EEIG2: variants seen among roughly 807,000 people sequenced by gnomAD.
EEIG2 encodes the protein EEIG family member 2.
chr1:108,632,418 G>T, the EEIG2 span, among the ~76,000 whole-genome samples: 1 of 152,120 alleles, frequency 6.6e-6, no homozygotes, highest in East Asian at 1.9e-4. Context: ...GGGAGCCATT[G>T]GCCATCTTTG....
At chr1:108,607,483 C>A in the EEIG2 span, among the ~76,000 whole-genome samples, 3 of 152,132 alleles carry the variant, frequency 2.0e-5, no homozygotes, top group Admixed American at 2.0e-4. Context: ...GTTTGGGTTT[C>A]CTTCCTTGTA....
the EEIG2 span, among the ~76,000 whole-genome samples, chr1:108,574,393 G>A: frequency 6.6e-6 from 1 of 152,178 alleles, no homozygotes; most frequent in Non-Finnish European, 1.5e-5. Flanking sequence ...TGGATATAGA[G>A]TTTTGGTTTT....
the EEIG2 span, among the ~76,000 whole-genome samples, chr1:108,592,839 A>G: frequency 6.6e-6 from 1 of 152,170 alleles, no homozygotes; most frequent in East Asian, 1.9e-4. Flanking sequence ...ATTTTAAATA[A>G]TAAGATTTAA....
the EEIG2 span, among the ~76,000 whole-genome samples, chr1:108,634,046 T>C: frequency 2.0e-5 from 3 of 152,228 alleles, no homozygotes; most frequent in African/African-American, 7.2e-5. Flanking sequence ...CACTGCCTGT[T>C]GTCTAGTATG....
At chr1:108,622,138 T>G in the EEIG2 span, among the ~76,000 whole-genome samples, 1 of 152,088 alleles carries the variant, frequency 6.6e-6, no homozygotes, top group East Asian at 1.9e-4. Context: ...GCCTGGGAAA[T>G]GAGCGAAACT....
chr1:108,627,691 C>T, the EEIG2 span: 1 of 157,306 alleles, frequency 6.4e-6, no homozygotes, highest in East Asian at 1.8e-4. Context: ...ACAACACTAA[C>T]ATTAAAGTAA....
the EEIG2 span, chr1:108,600,489 G>A: frequency 2.6e-6 from 4 of 1,514,270 alleles, no homozygotes; most frequent in African/African-American, 5.5e-5. Flanking sequence ...TGTTAGACTT[G>A]AGTGAAAGTA....
At chr1:108,612,119 G>A in the EEIG2 span, 1 of 1,159,512 alleles carries the variant, frequency 8.6e-7, no homozygotes. Flanking sequence ...TTATTTTAAG[G>A]AGCATATGAT....
the EEIG2 span, among the ~76,000 whole-genome samples, chr1:108,580,673 C>T: frequency 1.4e-5 from 2 of 146,050 alleles, no homozygotes; most frequent in Admixed American, 6.8e-5. Context: ...ACAATATTCC[C>T]TTAAACCAAA....
chr1:108,608,619 G>A, the EEIG2 span, among the ~76,000 whole-genome samples: 38 of 152,208 alleles, frequency 2.5e-4, no homozygotes, highest in African/African-American at 8.9e-4. Context: ...CTGTTTCCCA[G>A]TGTCTGCAAC....
chr1:108,563,119 T>C, the EEIG2 span, among the ~76,000 whole-genome samples: 2 of 152,246 alleles, frequency 1.3e-5, no homozygotes, highest in South Asian at 4.1e-4. Flanking sequence ...TGTACAAGGC[T>C]GGCCCTTGGC....
the EEIG2 span, among the ~76,000 whole-genome samples, chr1:108,618,326 A>G: frequency 1.3e-5 from 2 of 152,210 alleles, no homozygotes; most frequent in African/African-American, 4.8e-5. Context: ...TTAGTGAAAT[A>G]GGAAACAAGA....
At chr1:108,632,076 T>C in the EEIG2 span, among the ~76,000 whole-genome samples, 1 of 128,890 alleles carries the variant, frequency 7.8e-6, no homozygotes, top group Non-Finnish European at 1.5e-5. Context: ...ATTGCACCAC[T>C]GCACTCCAGC....
chr1:108,597,748 T>TG, the EEIG2 span, among the ~76,000 whole-genome samples: 10 of 152,330 alleles, frequency 6.6e-5, no homozygotes, highest in East Asian at 1.9e-3. Context: ...TTAGTAGGTT[T>TG]GGGGAGGGAG....
chr1:108,579,392 A>G, the EEIG2 span, among the ~76,000 whole-genome samples: 24 of 144,604 alleles, frequency 1.7e-4, no homozygotes, highest in South Asian at 5.5e-3. Context: ...GGAGCTAACT[A>G]TCCTAAATAT....
chr1:108,598,312 C>G, the EEIG2 span, among the ~76,000 whole-genome samples: 2 of 118,764 alleles, frequency 1.7e-5, no homozygotes, highest in Non-Finnish European at 3.3e-5. Flanking sequence ...CCAGCCTGGG[C>G]GACAGAGCAA....
At chr1:108,629,731 G>T in the EEIG2 span, 1 of 1,147,614 alleles carries the variant, frequency 8.7e-7, no homozygotes, top group Non-Finnish European at 1.3e-6. Flanking sequence ...GAGGATGATG[G>T]TTGCAAAGTT....
the EEIG2 span, among the ~76,000 whole-genome samples, chr1:108,597,990 G>A: frequency 6.6e-6 from 1 of 152,098 alleles, no homozygotes; most frequent in Non-Finnish European, 1.5e-5. Flanking sequence ...CATAGCTGAT[G>A]CCTCCAGCAA....
chr1:108,613,549 A>G, the EEIG2 span, among the ~76,000 whole-genome samples: 28 of 152,278 alleles, frequency 1.8e-4, no homozygotes, highest in South Asian at 5.8e-3. Flanking sequence ...CTCATGGAGT[A>G]ATTTCCTTCT....
Sources: gnomAD v4.1 joint callset for allele counts (sites outside exome capture counted in the v4.1 genomes callset) on GRCh38, gnomAD v4.1.1 for gene constraint, MANE v1.5 for transcripts, NCBI Gene and HGNC (gene_info 2026-07-23, HGNC 2026-07-21) for gene names.